GIPC2: variants seen among roughly 807,000 people sequenced by gnomAD.
GIPC2 encodes GIPC PDZ domain containing family member 2.
GIPC2 carries 30 observed loss-of-function variants against 30.6 expected under a neutral mutation model. The observed-to-expected ratio is 0.98, with a 90% confidence interval of 0.73 to 1.33. The LOEUF (loss-of-function observed/expected upper bound fraction) is 1.33, where lower values mean the gene tolerates loss of function less well. GIPC2 is among the 40% of genes most tolerant of loss of function. GIPC2 has a pLI of 0.00. For missense variants in GIPC2, 414 were observed against 390.3 expected (o/e 1.06, Z -0.51); for synonymous variants, 167 against 150.0 (o/e 1.11, Z -0.83).
chr1:78,074,544 G>C (rs1661679675), intron 1 of GIPC2, among the ~76,000 whole-genome samples: 1 of 152,106 alleles, frequency 6.6e-6, no homozygotes, highest in Non-Finnish European at 1.5e-5. Flanking sequence ...ATGACCATTT[G>C]ATGTAGACCG....
chr1:78,057,288 T>G (rs528686287), intron 1 of GIPC2, among the ~76,000 whole-genome samples: 41 of 152,324 alleles, frequency 2.7e-4, no homozygotes, highest in African/African-American at 8.2e-4. Context: ...ACCCTCTGAA[T>G]GTATGGCTGG....
chr1:78,124,950 C>T (rs1557551018), intron 4 of GIPC2, among the ~76,000 whole-genome samples: 1 of 152,196 alleles, frequency 6.6e-6, no homozygotes, highest in African/African-American at 2.4e-5. Context: ...GCACTTCAGC[C>T]TGGGCAACAG....
Position 78,072,121 on chromosome 1 carries a change from TA to T in GIPC2, c.241-8547del, listed in dbSNP as rs200660475. Among the ~76,000 whole-genome samples the T allele has an allele frequency of 2.0e-5, 3 of 151,632 alleles. No individual in the cohort carries two copies. The East Asian group carries it at 5.8e-4, about 29-fold the overall frequency. Reference sequence around the variant, plus strand: ...CTCTAAACCTTTGTTTTCTAATCTATAAAAAAATGGTATTATGATACATCTC... The same window carrying T: ...CTCTAAACCTTTGTTTTCTAATCTATAAAAAATGGTATTATGATACATCTC... On this transcript the variant is annotated intron_variant, in intron 1 of 5. Coordinates refer to ENST00000370759, the MANE Select transcript of GIPC2 (RefSeq NM_017655.6).
intron 2 of GIPC2, among the ~76,000 whole-genome samples, chr1:78,093,880 A>G (rs898837563): frequency 6.6e-6 from 1 of 152,102 alleles, no homozygotes; most frequent in Non-Finnish European, 1.5e-5. Flanking sequence ...GTTTTCTGCA[A>G]TTCTGGAAGA....
At chr1:78,106,025 A>G (rs1055708391) in intron 3 of GIPC2, among the ~76,000 whole-genome samples, 4 of 151,584 alleles carry the variant, frequency 2.6e-5, no homozygotes, top group Non-Finnish European at 5.9e-5. Flanking sequence ...ACCTGAGGTC[A>G]GGAGTTTGAG....
chr1:78,133,227 T>C (rs1178671797), intron 5 of GIPC2, among the ~76,000 whole-genome samples: 1 of 152,182 alleles, frequency 6.6e-6, no homozygotes, highest in Admixed American at 6.5e-5. Context: ...TCAAGATCTG[T>C]TGGGAGTTTA....
Position 78,098,915 on chromosome 1 carries a change from C to G in GIPC2, c.607+3783C>G, listed in dbSNP as rs147730100. Among the ~76,000 whole-genome samples, 236 of 152,198 alleles carry G rather than the reference C, an allele frequency of 1.6e-3. 2 individuals carry two copies. Among genetic ancestry groups the G allele is most frequent in the African/African-American group, 5.5e-3 (228 of 41,480 alleles). On this transcript the variant is annotated intron_variant, in intron 3 of 5. Transcript: ENST00000370759. ...AACCTTGATCCTGAACTTCTGGCCT[C>G]TAGAACTCTGAGAAAATAAATTTCT...
intron 2 of GIPC2, among the ~76,000 whole-genome samples, chr1:78,088,760 C>T (rs114920670): frequency 6.6e-6 from 1 of 151,592 alleles, no homozygotes; most frequent in African/African-American, 2.4e-5. Flanking sequence ...GGGAGAATTG[C>T]TTGAGCCTGG....
At chr1:78,114,453 T>G (rs567714029) in intron 3 of GIPC2, among the ~76,000 whole-genome samples, 4 of 152,312 alleles carry the variant, frequency 2.6e-5, no homozygotes, top group African/African-American at 9.6e-5. Flanking sequence ...TCCTGCTTGT[T>G]TTTGTCTATA....
chr1:78,126,269 A>T (rs1315978528), intron 5 of GIPC2, among the ~76,000 whole-genome samples: 2 of 152,228 alleles, frequency 1.3e-5, no homozygotes, highest in African/African-American at 4.8e-5. Context: ...TTTGTAGATG[A>T]TACATATAAA....
At chr1:78,112,529 T>TGAG in intron 3 of GIPC2, 1 of 519,042 alleles carries the variant, frequency 1.9e-6, no homozygotes, top group Non-Finnish European at 3.8e-6. Flanking sequence ...TGCTGCTCCA[T>TGAG]ACTCCAGGCC....
chr1:78,105,156 A>T (rs112927599), intron 3 of GIPC2, among the ~76,000 whole-genome samples: 2 of 152,040 alleles, frequency 1.3e-5, no homozygotes, highest in African/African-American at 2.4e-5. Flanking sequence ...TTGCATTAAA[A>T]TTTTTTTTAT....
chr1:78,047,739 C>T (rs1255689751), intron 1 of GIPC2, among the ~76,000 whole-genome samples: 1 of 151,912 alleles, frequency 6.6e-6, no homozygotes, highest in Non-Finnish European at 1.5e-5. Context: ...GAGTGGAGTC[C>T]GTATGTAAAC....
intron 2 of GIPC2, among the ~76,000 whole-genome samples, chr1:78,082,709 C>T (rs1661854208): frequency 6.6e-6 from 1 of 152,098 alleles, no homozygotes; most frequent in Non-Finnish European, 1.5e-5. Flanking sequence ...GGCATGTTAG[C>T]AAAGGAGAAA....
At chr1:78,126,052 A>C (rs898917559) in intron 5 of GIPC2, 90 bp downstream of exon 5, 4 of 631,102 alleles carry the variant, frequency 6.3e-6, no homozygotes, top group Non-Finnish European at 8.6e-6. Context: ...TATACTTTTG[A>C]AGATAACAAT....
chr1:78,091,457 T>A (rs1662036407), intron 2 of GIPC2: 4 of 609,058 alleles, frequency 6.6e-6, no homozygotes, highest in Admixed American at 2.6e-5. Context: ...CCTGGCTTGG[T>A]GGCTGGCTCT....
intron 2 of GIPC2, chr1:78,094,685 ATAGTGGT>A: frequency 4.2e-6 from 1 of 240,166 alleles, no homozygotes; most frequent in Non-Finnish European, 8.1e-6. Context: ...TGGAGGTAAG[ATAGTGGT>A]TCTTGGTTGC....
rs148850196 is a variant in GIPC2 at position 78,133,822 on chromosome 1, C to T, written c.797-1770C>T. ...TATTATGGATTCATGGCTTCCTGTT[C>T]TATTCACTGGAGTTATAATATATTA... On this transcript the variant is annotated intron_variant, in intron 5 of 5. Coordinates refer to ENST00000370759, the MANE Select transcript of GIPC2 (RefSeq NM_017655.6). Among the ~76,000 whole-genome samples the T allele has an allele frequency of 1.8e-3, 265 of 150,476 alleles. 2 individuals are homozygous for T. The highest frequency in any genetic ancestry group is 6.2e-3 in the African/African-American group (255 of 41,046).
intron 1 of GIPC2, among the ~76,000 whole-genome samples, chr1:78,066,359 G>A (rs1661511916): frequency 6.6e-6 from 1 of 152,144 alleles, no homozygotes; most frequent in African/African-American, 2.4e-5. Context: ...AGTCAGAATA[G>A]TTATTATTAA....
Sources: gnomAD v4.1 joint callset for allele counts (sites outside exome capture counted in the v4.1 genomes callset) on GRCh38, gnomAD v4.1.1 for gene constraint, MANE v1.5 for transcripts, NCBI Gene and HGNC (gene_info 2026-07-23, HGNC 2026-07-21) for gene names.